ADGRL3: variants seen among roughly 807,000 people sequenced by gnomAD.
The protein encoded by ADGRL3 is calcium-independent alpha-latrotoxin receptor 3.
ADGRL3 carries 62 observed loss-of-function variants against 153.5 expected under a neutral mutation model. The observed-to-expected ratio is 0.40, with a 90% CI of 0.33 to 0.50. The LOEUF is 0.50. ADGRL3 is among the 20% of genes least tolerant of loss of function. The pLI is 0.47. For missense variants in ADGRL3, 1,641 were observed against 1,859.4 expected, an observed-to-expected ratio of 0.88 and a Z score of 2.16; for synonymous variants, 710 against 672.5, an observed-to-expected ratio of 1.06 and a Z score of -0.86.
At chr4:62,015,926 A>G (rs888793759) in intron 21 of ADGRL3, among the ~76,000 whole-genome samples, 1 of 151,922 alleles carries the variant, frequency 6.6e-6, no homozygotes, top group Admixed American at 6.6e-5. Flanking sequence ...TATATAAACT[A>G]TCAACTTTTT....
intron 2 of ADGRL3, among the ~76,000 whole-genome samples, chr4:61,457,500 T>C (rs1380635393): frequency 6.6e-6 from 1 of 152,010 alleles, no homozygotes. Context: ...AGTTATGTTC[T>C]GCAGCAGCTT....
chr4:61,373,589 C>G lies in ADGRL3; in HGVS notation c.-239-9535C>G, dbSNP rs143675029. Among the ~76,000 whole-genome samples, 961 of 152,216 alleles carry G rather than the reference C, an allele frequency of 6.3e-3. 7 individuals are homozygous for G. Among genetic ancestry groups the G allele is most frequent in the Admixed American group, 0.01 (159 of 15,294 alleles). On this transcript the variant is annotated intron_variant, in intron 1 of 26. Transcript: ENST00000683033. Reference sequence around the variant, plus strand: ...ATTTAATAACAATGGAAATTAAAATCAGCATCAATTAAATTTAAAAATAAT... The same window carrying G: ...ATTTAATAACAATGGAAATTAAAATGAGCATCAATTAAATTTAAAAATAAT...
chr4:61,857,006 T>TTCTTTCTCTCTC (rs1554048324), intron 9 of ADGRL3, among the ~76,000 whole-genome samples: 18 of 112,724 alleles, frequency 1.6e-4, no homozygotes, highest in Admixed American at 5.4e-4. Context: ...CTTTCTTTCT[T>TTCTTTCTCTCTC]TCTTTCTTTC....
chr4:61,871,612 G>A (rs959845679), intron 9 of ADGRL3, among the ~76,000 whole-genome samples: 1 of 152,180 alleles, frequency 6.6e-6, no homozygotes, highest in Non-Finnish European at 1.5e-5. Flanking sequence ...CTAGAGCTGG[G>A]AGGTTGGGGA....
At chr4:61,593,882 T>C (rs2098979165) in intron 5 of ADGRL3, among the ~76,000 whole-genome samples, 1 of 152,144 alleles carries the variant, frequency 6.6e-6, no homozygotes, top group African/African-American at 2.4e-5. Flanking sequence ...ATATTATCCC[T>C]ATGAATCCCC....
At chr4:61,473,111 G>C (rs928540052) in intron 2 of ADGRL3, among the ~76,000 whole-genome samples, 14 of 152,204 alleles carry the variant, frequency 9.2e-5, no homozygotes, top group Non-Finnish European at 2.1e-4. Context: ...GAATAAATGA[G>C]AGATTGAAGT....
intron 4 of ADGRL3, among the ~76,000 whole-genome samples, chr4:61,541,876 C>T (rs1319652426): frequency 6.8e-6 from 1 of 147,906 alleles, no homozygotes; most frequent in Non-Finnish European, 1.5e-5. Context: ...CACACACACA[C>T]TAGTATTTCA....
chr4:61,334,448 A>C (rs1212439855), intron 1 of ADGRL3, among the ~76,000 whole-genome samples: 1 of 152,172 alleles, frequency 6.6e-6, no homozygotes, highest in Non-Finnish European at 1.5e-5. Flanking sequence ...TTTGATATGA[A>C]GTGTAAATTA....
rs565938294 is a variant in ADGRL3 at position 61,865,146 on chromosome 4, A to T, written c.1481-27510A>T. On this transcript the variant is annotated intron_variant, in intron 9 of 26. Transcript: ENST00000683033. ...AATAAAATTTTGGTCTTAAGAATAA[A>T]ATGAGTATTTTCATAATCAATTTTC... 6.6e-5 allele frequency among the ~76,000 whole-genome samples: 10 copies of T among 152,288 alleles called. No homozygotes were observed. The East Asian group carries it at 1.9e-3, about 29-fold the overall frequency.
intron 17 of ADGRL3, among the ~76,000 whole-genome samples, chr4:61,975,785 C>A: frequency 1.3e-5 from 2 of 151,956 alleles, no homozygotes; most frequent in South Asian, 4.2e-4. Flanking sequence ...AAATGTAGTG[C>A]GTGAAGGAAA....
At chr4:61,473,203 ATGTGTTTGTGTGTG>A (rs1301316538) in intron 2 of ADGRL3, among the ~76,000 whole-genome samples, 1 of 43,772 alleles carries the variant, frequency 2.3e-5, no homozygotes, top group East Asian at 7.1e-4. Context: ...ACCTATTTGT[ATGTGTTTGTGTGTG>A]TGTGTGTGTG....
intron 1 of ADGRL3, among the ~76,000 whole-genome samples, chr4:61,378,976 T>G (rs1333197440): frequency 1.3e-5 from 2 of 151,960 alleles, no homozygotes; most frequent in Non-Finnish European, 2.9e-5. Context: ...CATGGTAATA[T>G]TCGTGAATTA....
intron 21 of ADGRL3, among the ~76,000 whole-genome samples, chr4:62,026,891 C>A (rs1455795824): frequency 1.3e-5 from 2 of 151,984 alleles, no homozygotes; most frequent in African/African-American, 4.8e-5. Context: ...GTTTTACTAT[C>A]TACATGTATC....
intron 8 of ADGRL3, among the ~76,000 whole-genome samples, chr4:61,790,648 A>G (rs535100008): frequency 1.6e-4 from 24 of 152,332 alleles, no homozygotes; most frequent in African/African-American, 5.8e-4. Context: ...ATCCTTTTAA[A>G]TAACTGGAGG....
chr4:61,507,880 GGTAGAGT>G (rs1412438100), intron 3 of ADGRL3, among the ~76,000 whole-genome samples: 1 of 152,058 alleles, frequency 6.6e-6, no homozygotes, highest in Non-Finnish European at 1.5e-5. Flanking sequence ...GTATGATTAA[GGTAGAGT>G]GCCTCATTAC....
chr4:61,826,910 G>A (rs1370261756), intron 9 of ADGRL3, among the ~76,000 whole-genome samples: 1 of 122,488 alleles, frequency 8.2e-6, no homozygotes, highest in African/African-American at 3.4e-5. Flanking sequence ...AGGACTTAAA[G>A]TATAATAAAA....
chr4:61,437,872 A>G (rs986768479), intron 2 of ADGRL3, among the ~76,000 whole-genome samples: 2 of 151,834 alleles, frequency 1.3e-5, no homozygotes, highest in African/African-American at 4.8e-5. Flanking sequence ...ACACTTACCC[A>G]CACTTCAGTG....
In ADGRL3 at chr4:61,488,729, G is replaced by A. The variant is rs776555014; in HGVS notation, c.-173-8392G>A. ...CAACTTGAAAAATTGTTGACTTAACGTTCTTCAAATAATCTATTAATTTAA... is the reference window on the plus strand; with the variant it reads ...CAACTTGAAAAATTGTTGACTTAACATTCTTCAAATAATCTATTAATTTAA... On this transcript the variant is annotated intron_variant, in intron 2 of 26. Transcript: ENST00000683033. Among the ~76,000 whole-genome samples the A allele has an allele frequency of 5.9e-5, 9 of 151,974 alleles. No homozygotes were observed. The South Asian group carries it at 8.3e-4, about 14-fold the overall frequency.
chr4:61,869,962 GAGAGAGAGAGAGAA>G (rs1487780805), intron 9 of ADGRL3, among the ~76,000 whole-genome samples: 46 of 46,140 alleles, frequency 1.0e-3, no homozygotes, highest in African/African-American at 3.4e-3. Flanking sequence ...AAAAAAAAAA[GAGAGAGAGAGAGAA>G]AGAGAGAGAG....
Sources: gnomAD v4.1 joint callset for allele counts (sites outside exome capture counted in the v4.1 genomes callset) on GRCh38, gnomAD v4.1.1 for gene constraint, MANE v1.5 for transcripts, NCBI Gene and HGNC (gene_info 2026-07-23, HGNC 2026-07-21) for gene names.